Variants in NOL9 observed in about 807,000 individuals in gnomAD.
NOL9 encodes nucleolar protein 9.
NOL9 carries 28 observed loss-of-function variants against 67.9 expected under a neutral mutation model. The observed-to-expected ratio is 0.41, with a 90% confidence interval of 0.31 to 0.57. The LOEUF is 0.57. NOL9 is among the 20% of genes least tolerant of loss of function. The pLI, the probability that NOL9 is intolerant of heterozygous loss-of-function variation, is 0.25. For synonymous variants in NOL9, 356 were observed against 352.2 expected (o/e 1.01, Z -0.12); for missense variants, 777 against 897.0 (o/e 0.87, Z 1.71).
intron 6 of NOL9, among the ~76,000 whole-genome samples, chr1:6,536,691 T>C (rs1437601577): frequency 6.6e-6 from 1 of 151,888 alleles, no homozygotes; most frequent in East Asian, 1.9e-4. Context: ...GGAGTTAGGC[T>C]TGGTGGTGCA....
intron 1 of NOL9, among the ~76,000 whole-genome samples, chr1:6,553,141 A>T (rs1028597408): frequency 6.6e-6 from 1 of 152,136 alleles, no homozygotes; most frequent in African/African-American, 2.4e-5. Context: ...CTAAGATCAT[A>T]CCCCATGGCA....
intron 6 of NOL9, 109 bp downstream of exon 6, chr1:6,541,721 C>T (rs751749492): frequency 1.0e-4 from 54 of 526,508 alleles, no homozygotes; most frequent in South Asian, 6.3e-4. Context: ...GTTTGGTAGG[C>T]GCATGTTCCC....
rs772859578 is a variant in NOL9, at chr1:6,526,678, G to GC, written c.1959+17dup. The GC allele has an allele frequency of 2.2e-5, 35 of 1,602,280 alleles. No individual in the cohort carries two copies. The African/African-American group carries it at 4.0e-4, about 18-fold the overall frequency. On this transcript the variant is annotated intron_variant, in intron 11 of 11. Transcript: ENST00000377705. ...CTGAGTAGGCTCCTTCCAGGGCTGTGCCCGGGGGAAGGCTCACCTGGCACT... is the reference window on the plus strand; with the variant it reads ...CTGAGTAGGCTCCTTCCAGGGCTGTGCCCCGGGGGAAGGCTCACCTGGCACT...
rs763437394 is a variant in NOL9 at position 6,529,063 on chromosome 1, C to T, written c.1756G>A (p.Asp586Asn). The T allele has an allele frequency of 3.7e-6, 6 of 1,614,156 alleles. No individual in the cohort carries two copies. The South Asian group carries it at 6.6e-5, about 18-fold the overall frequency. The change falls in exon 10 of 12, where the codon GAC becomes AAC. Residue 586 changes from aspartate to asparagine, a missense_variant. Asp to Asn is a conservative substitution (Grantham distance 23, BLOSUM62 1). Around this residue, in one of 2 missense-constraint regions of NOL9, gnomAD observed 413 missense variants for 552.6 expected, o/e 0.75. Transcript: ENST00000377705. ...GGCCCATTCGTGTATCCTCTGACGT[C>T]ATCCTGGATCTTGCAAAGACCAACC... Reference protein sequence around the residue: ...SWVGLCKIQDDVRGYTNGPIL... With the variant: ...SWVGLCKIQDNVRGYTNGPIL...
chr1:6,526,491 C>T (rs1350957704), intron 11 of NOL9, among the ~76,000 whole-genome samples: 3 of 152,118 alleles, frequency 2.0e-5, no homozygotes, highest in South Asian at 2.1e-4. Context: ...GAGCCCAGAT[C>T]GCGACACTGA....
chr1:6,536,019 G>A (rs1233880960), intron 6 of NOL9, among the ~76,000 whole-genome samples: 1 of 152,106 alleles, frequency 6.6e-6, no homozygotes, highest in East Asian at 1.9e-4. Context: ...GCTACAAAGT[G>A]AGACACTGCC....
At chr1:6,553,992 G>T in intron 1 of NOL9, 115 bp downstream of exon 1, 2 of 815,606 alleles carry the variant, frequency 2.5e-6, no homozygotes, top group Non-Finnish European at 3.6e-6. Context: ...AATCCGACTG[G>T]CAGCCAGAGA....
At chr1:6,532,799 G>A in intron 7 of NOL9, 39 bp from the exon 8 acceptor site, 1 of 1,542,506 alleles carries the variant, frequency 6.5e-7, no homozygotes, top group Admixed American at 2.0e-5. Flanking sequence ...ATACACTCAA[G>A]AACAGTGACG....
rs768053618 is a variant in NOL9, at chr1:6,529,185, T to C, written c.1648-14A>G. The C allele has an allele frequency of 2.5e-6, 4 of 1,607,286 alleles. No homozygotes were observed. The highest frequency in any genetic ancestry group is 2.2e-5 in the East Asian group (1 of 44,744). ...ATTGAAAGGGACCTGGAAAATGAAT[T>C]TGCATCTCACTCTATTCATGGCTAC... is the stretch of plus-strand genomic sequence containing the variant. On this transcript the variant is annotated splice_polypyrimidine_tract_variant and intron_variant, in intron 9 of 11. Coordinates refer to ENST00000377705, the MANE Select transcript of NOL9 (RefSeq NM_024654.5).
At chr1:6,546,961 T>A (rs975633781) in intron 3 of NOL9, among the ~76,000 whole-genome samples, 4 of 152,212 alleles carry the variant, frequency 2.6e-5, no homozygotes, top group African/African-American at 9.6e-5. Flanking sequence ...TTCTCAGGTC[T>A]CACCTGACCA....
rs1407189442 is a variant in NOL9 at position 6,532,921 on chromosome 1, C to T, written c.1238-161G>A. Among the ~76,000 whole-genome samples the T allele has an allele frequency of 2.0e-5, 3 of 152,194 alleles. No homozygotes were observed. The South Asian group carries it at 6.2e-4, about 32-fold the overall frequency. On this transcript the variant is annotated intron_variant, in intron 7 of 11. Coordinates refer to ENST00000377705, the MANE Select transcript of NOL9 (RefSeq NM_024654.5). The stretch of plus-strand genomic sequence containing the variant: ...GGCACAGTGGCTCATGTTTGTAATC[C>T]CAGCATGCCTTGACAGGCCAAGGTG...
At chr1:6,538,940 T>A (rs1260419500) in intron 6 of NOL9, among the ~76,000 whole-genome samples, 2 of 152,042 alleles carry the variant, frequency 1.3e-5, no homozygotes, top group African/African-American at 2.4e-5. Flanking sequence ...CCACTGCACC[T>A]CAGCCTGGGC....
In NOL9 at chr1:6,529,123, G is replaced by A. The variant is rs1638960172; in HGVS notation, c.1696C>T (p.Pro566Ser). The A allele has an allele frequency of 6.2e-7, 1 of 1,614,090 alleles. No individual in the cohort carries two copies. The highest frequency in any genetic ancestry group is 8.5e-7 in the Non-Finnish European group (1 of 1,179,996). ...ALRITHSDVA[P>S]THILYAVNAS... ...TTTACAGCATATAGTATATGGGTAG[G>A]GGCGACATCAGAGTGGGTAATCCGG... Residue 566 changes from proline (P) to serine (S), a missense_variant, in exon 10 of 12, where the codon CCT (proline) becomes TCT (serine). Pro to Ser is a moderately conservative substitution (Grantham distance 74, BLOSUM62 -1). Around this residue, in one of 2 missense-constraint regions of NOL9, gnomAD observed 413 missense variants for 552.6 expected, o/e 0.75. Coordinates refer to ENST00000377705, the MANE Select transcript of NOL9 (RefSeq NM_024654.5).
At chr1:6,552,885 C>T (rs574483612) in intron 1 of NOL9, among the ~76,000 whole-genome samples, 1 of 147,886 alleles carries the variant, frequency 6.8e-6, no homozygotes, top group African/African-American at 2.5e-5. Context: ...GATCTTGGCT[C>T]ACTGCAACCT....
At chr1:6,528,665 T>C (rs1419617478) in intron 10 of NOL9, among the ~76,000 whole-genome samples, 1 of 152,130 alleles carries the variant, frequency 6.6e-6, no homozygotes, top group East Asian at 1.9e-4. Context: ...CGAACAGCTG[T>C]GTTGGAGGAC....
At position 6,532,024 on chromosome 1, in the gene NOL9, G is replaced by C. The variant is rs1170294707; in HGVS notation, c.1591C>G (p.Leu531Val). ...DLSILSYLSQ[L>V]QPPMPKPLSP... ...AGTGGTTTGGGCATCGGGGGCTGCA[G>C]CTGGCTAAGGTAACTCAAGATGGAC... The change falls in exon 9 of 12, where the codon CTG becomes GTG. Residue 531 changes from leucine to valine, a missense_variant. Leu to Val is a conservative substitution (Grantham distance 32, BLOSUM62 1). Transcript: ENST00000377705. 4 of 1,614,212 alleles carry C rather than the reference G, an allele frequency of 2.5e-6. No homozygotes were observed. The South Asian group carries it at 4.4e-5, about 18-fold the overall frequency.
At chr1:6,541,057 C>T (rs915337043) in intron 6 of NOL9, 2 of 136,442 alleles carry the variant, frequency 1.5e-5, no homozygotes, top group Non-Finnish European at 3.1e-5. Context: ...CACTCTGTTG[C>T]CCAGGTTGGA....
chr1:6,529,502 C>T (rs544914110), intron 9 of NOL9, among the ~76,000 whole-genome samples: 9 of 152,114 alleles, frequency 5.9e-5, no homozygotes, highest in Admixed American at 4.6e-4. Flanking sequence ...GCAGAAGAAT[C>T]GCTTGAACCT....
At position 6,528,168 on chromosome 1, in the gene NOL9, C is replaced by G. The variant is rs190983865; in HGVS notation, c.1825+826G>C. Among the ~76,000 whole-genome samples the G allele has an allele frequency of 4.6e-5, 7 of 152,182 alleles. No homozygotes were observed. The East Asian group carries it at 1.3e-3, about 29-fold the overall frequency. ...TCCAAAACTCCAAATTTATTGACCTCAGGAAACCAGGGCAGGTCAAGGAAG... is the reference window on the plus strand; with the variant it reads ...TCCAAAACTCCAAATTTATTGACCTGAGGAAACCAGGGCAGGTCAAGGAAG... On this transcript the variant is annotated intron_variant, in intron 10 of 11. Coordinates refer to ENST00000377705, the MANE Select transcript of NOL9 (RefSeq NM_024654.5).
Sources: gnomAD v4.1 joint callset for allele counts (sites outside exome capture counted in the v4.1 genomes callset) on GRCh38, gnomAD v4.1.1 for gene constraint, gnomAD v4.1.1 regional missense constraint, MANE v1.5 for transcripts, NCBI Gene and HGNC (gene_info 2026-07-23, HGNC 2026-07-21) for gene names.